Variants in RNF38 observed in about 807,000 individuals in gnomAD.
The protein encoded by RNF38 is ring finger protein 38, also known as E3 ubiquitin-protein ligase RNF38.
RNF38 carries 15 observed loss-of-function variants against 67.2 expected under a neutral mutation model. The ratio of observed to expected loss-of-function variants is 0.22; its 90% CI spans 0.15 to 0.34. The LOEUF (loss-of-function observed/expected upper bound fraction) is 0.34, where lower values mean the gene tolerates loss of function less well. RNF38 is among the 10% of genes least tolerant of loss of function. The pLI is 1.00. For missense variants in RNF38, 524 were observed against 639.9 expected (o/e 0.82, Z 1.95); for synonymous variants, 220 against 218.8 (o/e 1.01, Z -0.05).
intron 1 of RNF38, among the ~76,000 whole-genome samples, chr9:36,485,265 T>C (rs1258888961): frequency 6.6e-6 from 1 of 151,262 alleles, no homozygotes. Context: ...ATTTTTTTCA[T>C]ACTTATTTTC....
chr9:36,339,686 C>A lies in RNF38; in HGVS notation c.*66G>T. On this transcript the variant is annotated 3_prime_UTR_variant, in exon 12 of 12. Coordinates refer to ENST00000259605, the MANE Select transcript of RNF38 (RefSeq NM_022781.5). ...GGCTGGAAGCCACACAGATTAAGTTCAATGGATAGTCCGTATATACATGTG... is the reference window on the plus strand; with the variant it reads ...GGCTGGAAGCCACACAGATTAAGTTAAATGGATAGTCCGTATATACATGTG... 1.5e-6 allele frequency: 2 copies of A among 1,304,012 alleles called. No individual in the cohort carries two copies. Among genetic ancestry groups the A allele is most frequent in the South Asian group, 1.2e-5 (1 of 80,930 alleles). The allele number at this position is 1,304,012 out of a possible 1,614,324, so 80.8% of individuals were successfully genotyped here. A position where few individuals can be genotyped will look rare whatever the true frequency, so the allele number is the denominator to read the frequency against.
At chr9:36,431,222 A>G (rs966905406) in intron 1 of RNF38, among the ~76,000 whole-genome samples, 8 of 152,194 alleles carry the variant, frequency 5.3e-5, no homozygotes, top group Non-Finnish European at 8.8e-5. Context: ...ACATTCTGAG[A>G]AATGCATGGT....
rs1834108890 is a variant in RNF38, at chr9:36,356,387, A to T, written c.825T>A (p.His275Gln). The T allele has an allele frequency of 6.2e-7, 1 of 1,613,990 alleles. No individual in the cohort carries two copies. Among genetic ancestry groups the T allele is most frequent in the South Asian group, 1.1e-5 (1 of 91,068 alleles). Residue 275 changes from histidine to glutamine, a missense_variant, in exon 6 of 12, where the codon CAT becomes CAA. Physicochemically the swap from His to Gln is conservative, Grantham distance 24. Coordinates refer to ENST00000259605, the MANE Select transcript of RNF38 (RefSeq NM_022781.5). The part of the protein sequence containing the change: ...PLISSDPFLI[H>Q]PPHLSPHHPP... ...GATGATGGGGAGAAAGGTGAGGAGG[A>T]TGTATAAGAAATGGATCACTAGAAA... is the stretch of plus-strand genomic sequence containing the variant.
intron 1 of RNF38, among the ~76,000 whole-genome samples, chr9:36,467,385 A>G (rs1199049288): frequency 6.6e-6 from 1 of 151,688 alleles, no homozygotes; most frequent in East Asian, 2.0e-4. Flanking sequence ...TATATTCAAA[A>G]TACTTTGAAT....
intron 1 of RNF38, among the ~76,000 whole-genome samples, chr9:36,453,268 C>T (rs112686344): frequency 2.0e-5 from 3 of 152,210 alleles, no homozygotes; most frequent in African/African-American, 7.2e-5. Flanking sequence ...GGCTGGAGTG[C>T]ACTGGCACAA....
At chr9:36,484,297 G>A (rs1840348070) in intron 1 of RNF38, among the ~76,000 whole-genome samples, 1 of 152,156 alleles carries the variant, frequency 6.6e-6, no homozygotes, top group South Asian at 2.1e-4. Flanking sequence ...CAAAATAAAA[G>A]TCATCCACTG....
chr9:36,389,814 T>C (rs571624953), intron 2 of RNF38, among the ~76,000 whole-genome samples: 1 of 152,338 alleles, frequency 6.6e-6, no homozygotes, highest in South Asian at 2.1e-4. Flanking sequence ...CAGAGGCAAT[T>C]GTGTAACCTA....
At chr9:36,366,965 A>G (rs564214907) in intron 4 of RNF38, among the ~76,000 whole-genome samples, 1 of 152,276 alleles carries the variant, frequency 6.6e-6, no homozygotes, top group South Asian at 2.1e-4. Flanking sequence ...AATTTTCACT[A>G]ACTTCACAGA....
Position 36,426,050 on chromosome 9 carries a change from G to C in RNF38, n.242-1367C>G, listed in dbSNP as rs571612991. Among the ~76,000 whole-genome samples, 9 of 152,228 alleles carry C rather than the reference G, an allele frequency of 5.9e-5. No homozygotes were observed. The East Asian group carries it at 1.5e-3, about 26-fold the overall frequency. ...GTTGGGAAGATGTTAAGTAACATGA[G>C]GCTGAAGACTGTAAGTGAGGATCAC... On this transcript the variant is annotated intron_variant and non_coding_transcript_variant, in intron 1 of 3. Coordinates refer to the RNF38 transcript ENST00000488058.
chr9:36,381,204 T>C (rs1169187612), intron 2 of RNF38, among the ~76,000 whole-genome samples: 1 of 152,190 alleles, frequency 6.6e-6, no homozygotes, highest in Non-Finnish European at 1.5e-5. Context: ...ACTACGCTAC[T>C]ACAAGGTCTC....
Position 36,336,653 on chromosome 9 carries a change from G to C in RNF38, c.*3099C>G, listed in dbSNP as rs1320789618. On this transcript the variant is annotated 3_prime_UTR_variant, in exon 12 of 12. Coordinates refer to ENST00000259605, the MANE Select transcript of RNF38 (RefSeq NM_022781.5). Reference sequence around the variant, plus strand: ...GATTTGAGAAAATGACTCAGCAAATGATTCCAAAAAACACCCCTGTGAGCT... The same window carrying C: ...GATTTGAGAAAATGACTCAGCAAATCATTCCAAAAAACACCCCTGTGAGCT... The C allele has an allele frequency of 6.6e-6, 1 of 152,488 alleles. No homozygotes were observed. Among genetic ancestry groups the C allele is most frequent in the Non-Finnish European group, 1.5e-5 (1 of 68,012 alleles). 9.4% of individuals were successfully genotyped at this position (152,488 alleles called of 1,614,324 possible).
chr9:36,457,422 G>C (rs1240707279), intron 1 of RNF38, among the ~76,000 whole-genome samples: 2 of 152,162 alleles, frequency 1.3e-5, no homozygotes, highest in Non-Finnish European at 2.9e-5. Flanking sequence ...AGAAAAACAT[G>C]CATCTATCCC....
At chr9:36,359,449 T>G (rs1437808187) in intron 4 of RNF38, among the ~76,000 whole-genome samples, 1 of 152,150 alleles carries the variant, frequency 6.6e-6, no homozygotes, top group Non-Finnish European at 1.5e-5. Flanking sequence ...CAATTATACT[T>G]GCTCCATTTA....
intron 2 of RNF38, among the ~76,000 whole-genome samples, chr9:36,387,097 G>T (rs1410914422): frequency 6.6e-6 from 1 of 152,142 alleles, no homozygotes; most frequent in African/African-American, 2.4e-5. Flanking sequence ...GCCACCGTGT[G>T]GGAGCCCCTA....
At chr9:36,375,741 G>T (rs1376971470) in intron 3 of RNF38, among the ~76,000 whole-genome samples, 193 bp downstream of exon 3, 1 of 152,106 alleles carries the variant, frequency 6.6e-6, no homozygotes, top group South Asian at 2.1e-4. Context: ...TTCTTCATCT[G>T]TCAATGATAA....
chr9:36,481,084 G>T (rs539570918), intron 1 of RNF38, among the ~76,000 whole-genome samples: 1 of 146,544 alleles, frequency 6.8e-6, no homozygotes, highest in Non-Finnish European at 1.5e-5. Context: ...GTGCAATCTC[G>T]GCTCATTGCA....
intron 1 of RNF38, among the ~76,000 whole-genome samples, chr9:36,467,722 G>A (rs1405892218): frequency 6.6e-6 from 1 of 152,122 alleles, no homozygotes; most frequent in Non-Finnish European, 1.5e-5. Context: ...CTCTCACACA[G>A]GTAATTTGTG....
chr9:36,481,187 G>T (rs61010680), intron 1 of RNF38, among the ~76,000 whole-genome samples: 1 of 151,718 alleles, frequency 6.6e-6, no homozygotes, highest in Admixed American at 6.6e-5. Context: ...GCTAATTTTT[G>T]TATTTTTAGT....
intron 2 of RNF38, among the ~76,000 whole-genome samples, chr9:36,423,948 CAAA>C (rs1176900248): frequency 1.3e-4 from 1 of 7,408 alleles, no homozygotes; most frequent in East Asian, 1.6e-3. Context: ...GACTCCGTCT[CAAA>C]AAAAAAAAAA....
Sources: allele counts gnomAD v4.1 joint callset (sites outside exome capture counted in the v4.1 genomes callset), GRCh38; gene constraint gnomAD v4.1.1; transcripts MANE v1.5; gene names NCBI Gene and HGNC (gene_info 2026-07-23, HGNC 2026-07-21).